PIP5K1A: variants seen among roughly 807,000 people sequenced by gnomAD.
The protein encoded by PIP5K1A is phosphatidylinositol-4-phosphate 5-kinase type 1 alpha, also known as phosphatidylinositol 4-phosphate 5-kinase type-1 alpha.
In PIP5K1A, 46 loss-of-function variants were observed where a neutral mutation model predicts 72.9. The ratio of observed to expected loss-of-function variants is 0.63; its 90% CI spans 0.50 to 0.81. PIP5K1A has a LOEUF of 0.81. Among genes scored for constraint, PIP5K1A ranks in the 30% least tolerant of loss-of-function variants. The pLI is 0.00. For missense variants in PIP5K1A, 458 were observed against 706.1 expected, an observed-to-expected ratio of 0.65 and a Z score of 3.98; for synonymous variants, 228 against 255.1, an observed-to-expected ratio of 0.89 and a Z score of 1.01.
At chr1:151,205,254 C>G (rs1169260218) in intron 1 of PIP5K1A, among the ~76,000 whole-genome samples, 1 of 152,144 alleles carries the variant, frequency 6.6e-6, no homozygotes, top group Non-Finnish European at 1.5e-5. Context: ...TGGCTCACTG[C>G]AGCCCTTGCC....
At chr1:151,204,700 TCC>T (rs1685694049) in intron 1 of PIP5K1A, among the ~76,000 whole-genome samples, 1 of 152,234 alleles carries the variant, frequency 6.6e-6, no homozygotes, top group Non-Finnish European at 1.5e-5. Flanking sequence ...CTGTTTACTC[TCC>T]ATAGGGATTT....
upstream of PIP5K1A, among the ~76,000 whole-genome samples, chr1:151,195,582 A>C (rs746307826): frequency 5.3e-5 from 8 of 151,834 alleles, no homozygotes; most frequent in Non-Finnish European, 8.8e-5. Flanking sequence ...GATGAAAATA[A>C]AAATTAAAAA....
chr1:151,210,952 A>G (rs1035717238), intron 1 of PIP5K1A, among the ~76,000 whole-genome samples: 3 of 152,174 alleles, frequency 2.0e-5, no homozygotes, highest in Admixed American at 6.6e-5. Context: ...TTGTTTCCCT[A>G]TGACCTGTTT....
At chr1:151,196,943 C>T (rs587730292), upstream of PIP5K1A, among the ~76,000 whole-genome samples, 2 of 147,502 alleles carry the variant, frequency 1.4e-5, no homozygotes, top group African/African-American at 5.0e-5. Flanking sequence ...TCACTGCAAC[C>T]TCTGCCTCCT....
In PIP5K1A at chr1:151,242,278, T is replaced by C. The variant is rs777793178; in HGVS notation, c.1510+9T>C. 22 of 1,613,954 alleles carry C rather than the reference T, an allele frequency of 1.4e-5. No individual in the cohort carries two copies. The highest frequency in any genetic ancestry group is 5.0e-5 in the Admixed American group (3 of 59,990). ...GGCAGAAGTGGAGCCAGGTCAGCGC[T>C]AGGGCTGGGGTCCCCATGTGATTGG... is the stretch of plus-strand genomic sequence containing the variant. On this transcript the variant is annotated intron_variant, in intron 13 of 15. Coordinates refer to ENST00000368888, the MANE Select transcript of PIP5K1A (RefSeq NM_001135638.2).
At chr1:151,215,894 A>G in intron 1 of PIP5K1A, 1 of 801,514 alleles carries the variant, frequency 1.2e-6, no homozygotes, top group Non-Finnish European at 1.9e-6. Flanking sequence ...AAAAACATGT[A>G]TGCTTATCAT....
upstream of PIP5K1A, among the ~76,000 whole-genome samples, chr1:151,196,786 C>G (rs587716315): frequency 6.6e-6 from 1 of 151,622 alleles, no homozygotes; most frequent in Non-Finnish European, 1.5e-5. Context: ...GTCTTGAACT[C>G]CCGACCTCAG....
intron 14 of PIP5K1A, 118 bp downstream of exon 14, chr1:151,242,685 C>G: frequency 1.1e-6 from 1 of 896,586 alleles, no homozygotes; most frequent in Non-Finnish European, 1.8e-6. Flanking sequence ...CTTAAAATAA[C>G]AAACATATAT....
In PIP5K1A at chr1:151,237,344, A is replaced by T. The variant is rs776825904; in HGVS notation, c.1145+581A>T. ...AAGACTTAAAAAATTATAGTCTTAA[A>T]TGCATGTCTGCAAATTATATTAGAA... On this transcript the variant is annotated intron_variant, in intron 9 of 15. Transcript: ENST00000368888. Among the ~76,000 whole-genome samples, 13 of 152,372 alleles carry T rather than the reference A, an allele frequency of 8.5e-5. 2 individuals are homozygous for T. Among genetic ancestry groups the T allele is most frequent in the African/African-American group, 3.1e-4 (13 of 41,592 alleles).
At chr1:151,226,090 CTT>C (rs1271678597) in intron 3 of PIP5K1A, among the ~76,000 whole-genome samples, 16 of 119,352 alleles carry the variant, frequency 1.3e-4, no homozygotes, top group Admixed American at 2.5e-4. Context: ...TGTTTCTTTT[CTT>C]TTTTTTTTTT....
At position 151,238,222 on chromosome 1, in the gene PIP5K1A, C is replaced by A. The variant is rs1570980717; in HGVS notation, c.1186C>A (p.Leu396Ile). Residue 396 changes from leucine (L) to isoleucine (I), a missense_variant, in exon 10 of 16, where the codon CTT (leucine) becomes ATT (isoleucine). Leu to Ile is a conservative substitution (Grantham distance 5). Coordinates refer to ENST00000368888, the MANE Select transcript of PIP5K1A (RefSeq NM_001135638.2). ...IPARNSKGER[L>I]LLYIGIIDIL... Reference sequence around the variant, plus strand: ...TGCCCGGAATAGTAAAGGGGAAAGGCTTCTGCTTTATATTGGCATCATTGA... The same window carrying A: ...TGCCCGGAATAGTAAAGGGGAAAGGATTCTGCTTTATATTGGCATCATTGA... 1.9e-6 allele frequency: 3 copies of A among 1,613,104 alleles called. No homozygotes were observed. Among genetic ancestry groups the A allele is most frequent in the African/African-American group, 2.7e-5 (2 of 74,870 alleles).
At chr1:151,231,914 C>T in intron 5 of PIP5K1A, 113 bp downstream of exon 5, 1 of 977,032 alleles carries the variant, frequency 1.0e-6, no homozygotes, top group Non-Finnish European at 1.6e-6. Flanking sequence ...CATTTCTTAA[C>T]CTGGTTACAA....
Position 151,242,256 on chromosome 1 carries a change from A to G in PIP5K1A, c.1497A>G (p.Ala499=), listed in dbSNP as rs746729023. 2 of 1,614,218 alleles carry G rather than the reference A, an allele frequency of 1.2e-6. No homozygotes were observed. The highest frequency in any genetic ancestry group is 2.2e-5 in the South Asian group (2 of 91,086). Residue 499 remains alanine (A), a synonymous_variant, in exon 13 of 16, where the codon GCA becomes GCG. Transcript: ENST00000368888. ...GEHKAQVTTK[A]EVEPGVHLGR... ...ACAAGGCACAAGTGACAACAAAGGC[A>G]GAAGTGGAGCCAGGTCAGCGCTAGG...
At chr1:151,227,534 T>G (rs1164622462) in intron 4 of PIP5K1A, 134 bp downstream of exon 4, 1 of 501,210 alleles carries the variant, frequency 2.0e-6, no homozygotes, top group African/African-American at 1.9e-5. Context: ...ATAATACAGC[T>G]TAGACTTTAG....
intron 1 of PIP5K1A, among the ~76,000 whole-genome samples, chr1:151,200,058 C>G (rs751574784): frequency 2.7e-4 from 41 of 151,758 alleles, no homozygotes; most frequent in Non-Finnish European, 5.3e-4. Context: ...TGAAGAGAGT[C>G]TAAGGAATGT....
intron 1 of PIP5K1A, among the ~76,000 whole-genome samples, chr1:151,220,760 C>T (rs1370254844): frequency 6.6e-6 from 1 of 152,246 alleles, no homozygotes; most frequent in Non-Finnish European, 1.5e-5. Context: ...AGCCACTTTA[C>T]CTGGCCTATC....
At chr1:151,229,749 A>G (rs770445599) in intron 4 of PIP5K1A, among the ~76,000 whole-genome samples, 3 of 151,658 alleles carry the variant, frequency 2.0e-5, no homozygotes, top group African/African-American at 4.8e-5. Flanking sequence ...AAAAAAAGAA[A>G]CTAATAATTT....
rs185628874 is a variant in PIP5K1A at position 151,207,397 on chromosome 1, G to A, written c.85+8316G>A. ...TACATATTTGAGGTCTGAGAACCAT[G>A]AAACTTGTTTGTAGGATTAGAAGCA... On this transcript the variant is annotated intron_variant, in intron 1 of 15. Coordinates refer to ENST00000368888, the MANE Select transcript of PIP5K1A (RefSeq NM_001135638.2). 4.4e-3 allele frequency among the ~76,000 whole-genome samples: 673 copies of A among 152,262 alleles called. 6 individuals are homozygous for A. The highest frequency in any genetic ancestry group is 0.014 in the Middle Eastern group (4 of 294).
At chr1:151,196,199 A>G (rs2101742723), upstream of PIP5K1A, among the ~76,000 whole-genome samples, 1 of 152,170 alleles carries the variant, frequency 6.6e-6, no homozygotes, top group African/African-American at 2.4e-5. Context: ...GTCCGGCTAC[A>G]CTATCCGATT....
Sources: allele counts gnomAD v4.1 joint callset (sites outside exome capture counted in the v4.1 genomes callset), GRCh38; gene constraint gnomAD v4.1.1; transcripts MANE v1.5; gene names NCBI Gene and HGNC (gene_info 2026-07-23, HGNC 2026-07-21).